The following YJU2 variants were observed in gnomAD, a reference collection of about 807,000 sequenced individuals.
YJU2 encodes the protein YJU2 splicing factor homolog, also known as splicing factor YJU2.
In YJU2, 28 loss-of-function variants were observed where a neutral mutation model predicts 39.6. The observed-to-expected ratio is 0.71, with a 90% CI of 0.52 to 0.97. The LOEUF is 0.97. YJU2 is among the 50% of genes least tolerant of loss of function. The pLI, the probability that YJU2 is intolerant of heterozygous loss-of-function variation, is 0.00. For missense variants in YJU2, 328 were observed against 430.4 expected, an observed-to-expected ratio of 0.76 and a Z score of 2.11; for synonymous variants, 184 against 182.4, an observed-to-expected ratio of 1.01 and a Z score of -0.07.
chr19:4,257,646 G>C (rs1257688918), intron 4 of YJU2, among the ~76,000 whole-genome samples: 1 of 152,068 alleles, frequency 6.6e-6, no homozygotes, highest in Non-Finnish European at 1.5e-5. Flanking sequence ...GCTACTTTTT[G>C]TATTTTTAGT....
intron 3 of YJU2, among the ~76,000 whole-genome samples, chr19:4,253,896 C>T (rs1970997988): frequency 6.6e-6 from 1 of 151,812 alleles, no homozygotes; most frequent in Non-Finnish European, 1.5e-5. Flanking sequence ...TGATCTCAGC[C>T]TCCCAGGTTC....
chr19:4,263,090 A>AC (rs890387139), intron 6 of YJU2, among the ~76,000 whole-genome samples: 4 of 151,826 alleles, frequency 2.6e-5, no homozygotes, highest in South Asian at 2.1e-4. Context: ...AAAAAAAAAA[A>AC]AACTTAATTT....
chr19:4,260,472 C>T (rs1356519706), intron 5 of YJU2, among the ~76,000 whole-genome samples: 1 of 145,880 alleles, frequency 6.9e-6, no homozygotes, highest in South Asian at 2.6e-4. Context: ...GTCGGTGGCT[C>T]ACGCCCGTAA....
At chr19:4,266,950 G>T (rs1436666338) in intron 6 of YJU2, among the ~76,000 whole-genome samples, 2 of 152,188 alleles carry the variant, frequency 1.3e-5, no homozygotes, top group Non-Finnish European at 2.9e-5. Context: ...CTGGGCAATA[G>T]AGTGAGACCT....
At chr19:4,254,242 GGTA>G (rs1220360421) in intron 3 of YJU2, 110 bp from the exon 4 acceptor site, 2 of 794,210 alleles carry the variant, frequency 2.5e-6, no homozygotes, top group Non-Finnish European at 4.3e-6. Context: ...AAAAAGAGAA[GGTA>G]GTAGAACCAG....
At chr19:4,257,453 T>C (rs1294465891) in intron 4 of YJU2, among the ~76,000 whole-genome samples, 1 of 147,730 alleles carries the variant, frequency 6.8e-6, no homozygotes, top group African/African-American at 2.5e-5. Context: ...CCACCACGCC[T>C]GGATAATTTT....
At chr19:4,252,394 C>G (rs192490552) in intron 3 of YJU2, among the ~76,000 whole-genome samples, 1 of 150,728 alleles carries the variant, frequency 6.6e-6, no homozygotes, top group African/African-American at 2.4e-5. Flanking sequence ...GTCAGGAGAT[C>G]GAGACCATCC....
chr19:4,248,874 G>A (rs1029086911), intron 1 of YJU2, among the ~76,000 whole-genome samples: 7 of 152,010 alleles, frequency 4.6e-5, no homozygotes, highest in African/African-American at 1.4e-4. Flanking sequence ...AGCCAAGATC[G>A]CGCCACTGGA....
At chr19:4,254,775 A>T (rs1206345840) in intron 4 of YJU2, among the ~76,000 whole-genome samples, 1 of 151,770 alleles carries the variant, frequency 6.6e-6, no homozygotes. Flanking sequence ...TTAAAACTTA[A>T]CACTGGGCGC....
At chr19:4,256,080 G>A (rs1007731751) in intron 4 of YJU2, among the ~76,000 whole-genome samples, 4 of 150,714 alleles carry the variant, frequency 2.7e-5, no homozygotes, top group Non-Finnish European at 4.4e-5. Flanking sequence ...AGGCTGAGGC[G>A]GGAGGATCAC....
rs755115111 is a variant in YJU2, at chr19:4,254,492, G to A, written c.405+3G>A. The A allele has an allele frequency of 2.8e-5, 44 of 1,586,516 alleles. No individual in the cohort carries two copies. The highest frequency in any genetic ancestry group is 3.3e-5 in the Non-Finnish European group (39 of 1,165,044). ...AGGAGCTGAACAACCCCATGAAGGT[G>A]AGTCGGGGGCCATGTAGGTGTTCAT... is the stretch of plus-strand genomic sequence containing the variant. On this transcript the variant is annotated splice_donor_region_variant and intron_variant, in intron 4 of 7. Transcript: ENST00000262962.
intron 4 of YJU2, 124 bp downstream of exon 4, chr19:4,254,613 G>C: frequency 7.2e-7 from 1 of 1,387,628 alleles, no homozygotes; most frequent in Non-Finnish European, 9.5e-7. Flanking sequence ...GGCGTGGTTG[G>C]TAAAACTTTA....
At chr19:4,247,582 CGTGTGTGTGTGTGTGTGT>C (rs1348900052) in intron 1 of YJU2, among the ~76,000 whole-genome samples, 2 of 27,306 alleles carry the variant, frequency 7.3e-5, no homozygotes, top group Non-Finnish European at 1.1e-4. Context: ...TGGGGTGGCG[CGTGTGTGTGTGTGTGTGT>C]GTGTGTGTGT....
rs140382767 is a variant in YJU2 at position 4,259,168 on chromosome 19, G to A, written c.587+745G>A. Among the ~76,000 whole-genome samples, 75 of 88,340 alleles carry A rather than the reference G, an allele frequency of 8.5e-4. 1 individual carries two copies. The East Asian group carries it at 0.017, about 20-fold the overall frequency. 58.0% of individuals were successfully genotyped at this position (88,340 alleles called of 152,430 possible). ...CGCCATCTCGCTCACTGCAAGCTCCGCCTCCCGGGTTCATGCCATTCTGCC... is the reference window on the plus strand; with the variant it reads ...CGCCATCTCGCTCACTGCAAGCTCCACCTCCCGGGTTCATGCCATTCTGCC... On this transcript the variant is annotated intron_variant, in intron 5 of 7. Coordinates refer to ENST00000262962, the MANE Select transcript of YJU2 (RefSeq NM_018074.6).
intron 6 of YJU2, among the ~76,000 whole-genome samples, chr19:4,264,647 C>T (rs565839839): frequency 8.6e-5 from 13 of 151,948 alleles, no homozygotes; most frequent in Middle Eastern, 3.4e-3. Flanking sequence ...CCACCATGCC[C>T]GGCTAATTTT....
At chr19:4,264,014 G>A (rs920287718) in intron 6 of YJU2, among the ~76,000 whole-genome samples, 1 of 151,804 alleles carries the variant, frequency 6.6e-6, no homozygotes, top group African/African-American at 2.4e-5. Flanking sequence ...TGTAATCCCA[G>A]CACTTTGGGA....
intron 6 of YJU2, among the ~76,000 whole-genome samples, chr19:4,265,773 T>C (rs962029732): frequency 2.0e-5 from 3 of 150,122 alleles, no homozygotes; most frequent in African/African-American, 7.4e-5. Flanking sequence ...ATTTTCTTTT[T>C]ATTAATAAAG....
intron 6 of YJU2, among the ~76,000 whole-genome samples, chr19:4,262,477 C>T (rs975749055): frequency 2.6e-5 from 4 of 152,026 alleles, no homozygotes; most frequent in African/African-American, 7.2e-5. Flanking sequence ...GGATTACAGG[C>T]GTGAGCCACC....
chr19:4,251,025 A>C lies in YJU2; in HGVS notation c.126-2A>C, dbSNP rs1356660492. The C allele has an allele frequency of 6.2e-7, 1 of 1,613,874 alleles. No individual in the cohort carries two copies. Among genetic ancestry groups the C allele is most frequent in the Non-Finnish European group, 8.5e-7 (1 of 1,179,894 alleles). ...CTCACATCCCTACATGCTGCCCCGCAGGTGTAAGACGTGCGGAGAATACAT... is the reference window on the plus strand; with the variant it reads ...CTCACATCCCTACATGCTGCCCCGCCGGTGTAAGACGTGCGGAGAATACAT... On this transcript the variant is annotated splice_acceptor_variant, in intron 2 of 7. Transcript: ENST00000262962. LOFTEE classifies it high-confidence loss of function.
Sources: gnomAD v4.1 joint callset for allele counts (sites outside exome capture counted in the v4.1 genomes callset) on GRCh38, gnomAD v4.1.1 for gene constraint, MANE v1.5 for transcripts, NCBI Gene and HGNC (gene_info 2026-07-23, HGNC 2026-07-21) for gene names.